Variants in ZNF423 observed in about 807,000 individuals in gnomAD.
ZNF423 encodes zinc finger protein 423.
In ZNF423, 12 loss-of-function variants were observed where a neutral mutation model predicts 95.8. The observed-to-expected ratio is 0.13, with a 90% CI of 0.08 to 0.20. ZNF423 has a LOEUF of 0.20. Ranked by LOEUF, ZNF423 falls within the 10% of genes least tolerant of loss-of-function variation. The pLI is 1.00. For synonymous variants in ZNF423, 749 were observed against 711.9 expected (o/e 1.05, Z -0.83); for missense variants, 1,316 against 1,737.1 (o/e 0.76, Z 4.31).
chr16:49,589,932 G>A (rs1422737721), intron 5 of ZNF423, among the ~76,000 whole-genome samples: 1 of 151,662 alleles, frequency 6.6e-6, no homozygotes, highest in Non-Finnish European at 1.5e-5. Flanking sequence ...ACACAAATGA[G>A]TGTTTTCACA....
chr16:49,774,752 C>T (rs375735917), intron 2 of ZNF423, among the ~76,000 whole-genome samples: 2 of 152,058 alleles, frequency 1.3e-5, no homozygotes, highest in East Asian at 1.9e-4. Flanking sequence ...GAGGGGACAC[C>T]GTGAGTGAGG....
intron 5 of ZNF423, among the ~76,000 whole-genome samples, chr16:49,526,201 C>T (rs949618589): frequency 1.2e-4 from 19 of 152,136 alleles, no homozygotes; most frequent in African/African-American, 4.6e-4. Flanking sequence ...CCTGTCAGCC[C>T]CTGGAGGACT....
chr16:49,793,073 AC>A (rs2034441585), intron 1 of ZNF423, among the ~76,000 whole-genome samples: 1 of 152,018 alleles, frequency 6.6e-6, no homozygotes, highest in African/African-American at 2.4e-5. Context: ...TGGTTTTTAT[AC>A]ATTCTTGATG....
At chr16:49,839,055 T>C (rs1178852963) in intron 1 of ZNF423, among the ~76,000 whole-genome samples, 1 of 79,598 alleles carries the variant, frequency 1.3e-5, no homozygotes, top group Non-Finnish European at 2.5e-5. Context: ...TTCCCAGCCA[T>C]CCCCCCTCTT....
At chr16:49,619,710 T>C (rs1018730717) in intron 5 of ZNF423, among the ~76,000 whole-genome samples, 2 of 152,198 alleles carry the variant, frequency 1.3e-5, no homozygotes, top group African/African-American at 4.8e-5. Context: ...TTATCACATA[T>C]TAAGGTTAGA....
chr16:49,599,821 G>A (rs1004998), intron 5 of ZNF423, among the ~76,000 whole-genome samples: 28,604 of 152,122 alleles, frequency 0.19, 3,444 homozygotes, highest in East Asian at 0.42. Context: ...CTCATCCACC[G>A]TGGAAGACGT....
chr16:49,606,914 G>A lies in ZNF423; in HGVS notation c.3601+19256C>T, dbSNP rs556670635. Among the ~76,000 whole-genome samples the A allele has an allele frequency of 2.3e-3, 345 of 152,246 alleles. 3 individuals are homozygous for A. Among genetic ancestry groups the A allele is most frequent in the Admixed American group, 9.1e-3 (139 of 15,294 alleles). ...CATTGGAACCAGAGCAGAGCCCACC[G>A]GGTGGGGGTCTGCAGGGAGAGGAGG... On this transcript the variant is annotated intron_variant, in intron 5 of 7. Transcript: ENST00000563137.
At chr16:49,735,116 C>A (rs910579357) in intron 2 of ZNF423, among the ~76,000 whole-genome samples, 4 of 152,118 alleles carry the variant, frequency 2.6e-5, no homozygotes, top group African/African-American at 2.4e-5. Context: ...CTGGTCACAG[C>A]CCCTAAGGTT....
At chr16:49,526,576 C>A (rs945813597) in intron 5 of ZNF423, among the ~76,000 whole-genome samples, 2 of 152,148 alleles carry the variant, frequency 1.3e-5, no homozygotes, top group Non-Finnish European at 2.9e-5. Flanking sequence ...AAGATGGGGA[C>A]CACCTGTCCT....
chr16:49,538,447 C>T (rs1196103850), intron 5 of ZNF423, among the ~76,000 whole-genome samples: 1 of 152,178 alleles, frequency 6.6e-6, no homozygotes, highest in Admixed American at 6.5e-5. Context: ...CGCTCCTGGC[C>T]CCACCTCATC....
intron 5 of ZNF423, among the ~76,000 whole-genome samples, chr16:49,616,909 G>A (rs1971894090): frequency 6.6e-6 from 1 of 152,202 alleles, no homozygotes; most frequent in African/African-American, 2.4e-5. Flanking sequence ...TTGATAGATA[G>A]AATTTATTCA....
At chr16:49,630,988 A>G (rs1972475099) in intron 4 of ZNF423, among the ~76,000 whole-genome samples, 1 of 152,078 alleles carries the variant, frequency 6.6e-6, no homozygotes, top group Non-Finnish European at 1.5e-5. Context: ...CCAACTCACC[A>G]GCAACACACA....
chr16:49,634,209 T>G (rs1011891877), intron 4 of ZNF423, among the ~76,000 whole-genome samples: 159 of 150,634 alleles, frequency 1.1e-3, no homozygotes, highest in Non-Finnish European at 1.8e-3. Context: ...CCTGGCTTTT[T>G]TTTTTTTTTT....
intron 1 of ZNF423, among the ~76,000 whole-genome samples, chr16:49,833,152 T>C (rs995900129): frequency 1.3e-5 from 2 of 152,318 alleles, no homozygotes; most frequent in East Asian, 1.9e-4. Context: ...ACGCACAAGC[T>C]TGGGGAGGTT....
intron 1 of ZNF423, among the ~76,000 whole-genome samples, chr16:49,849,306 C>T (rs1437229102): frequency 6.6e-6 from 1 of 152,156 alleles, no homozygotes; most frequent in Non-Finnish European, 1.5e-5. Context: ...TATAAATCTT[C>T]TGTAAGAAAA....
rs1555517109 is a variant in ZNF423 at position 49,644,687 on chromosome 16, A to ACC, written c.302-5814_302-5813insGG. 2.3e-4 allele frequency among the ~76,000 whole-genome samples: 26 copies of ACC among 110,910 alleles called. 1 individual carries two copies. Among genetic ancestry groups the ACC allele is most frequent in the Middle Eastern group, 4.5e-3 (1 of 224 alleles). 72.8% of individuals were successfully genotyped at this position (110,910 alleles called of 152,430 possible). ...AAAAAAAAAAAAAAAAAAAAAAAAA[A>ACC]AAAAAAAAAACCGTGAGCCTACAGA... On this transcript the variant is annotated intron_variant, in intron 3 of 7. Coordinates refer to ENST00000563137, the MANE Select transcript of ZNF423 (RefSeq NM_001379286.1).
At chr16:49,749,579 C>A (rs2033594123) in intron 2 of ZNF423, among the ~76,000 whole-genome samples, 1 of 152,270 alleles carries the variant, frequency 6.6e-6, no homozygotes, top group Non-Finnish European at 1.5e-5. Flanking sequence ...TCCTCTCCTG[C>A]GTTTACGGAC....
intron 5 of ZNF423, among the ~76,000 whole-genome samples, chr16:49,579,552 G>T (rs990829294): frequency 2.0e-5 from 3 of 152,136 alleles, no homozygotes; most frequent in Non-Finnish European, 4.4e-5. Context: ...AGGAAGGGCT[G>T]TTGTTGGGCT....
chr16:49,707,623 A>C (rs910287356), intron 3 of ZNF423, among the ~76,000 whole-genome samples: 2 of 151,742 alleles, frequency 1.3e-5, no homozygotes, highest in Admixed American at 1.3e-4. Context: ...TCAAAAAAAA[A>C]AAAAAAAACA....
Sources: allele counts gnomAD v4.1 joint callset (sites outside exome capture counted in the v4.1 genomes callset), GRCh38; gene constraint gnomAD v4.1.1; transcripts MANE v1.5; gene names NCBI Gene and HGNC (gene_info 2026-07-23, HGNC 2026-07-21).